ZFP91: variants seen among roughly 807,000 people sequenced by gnomAD.
ZFP91 encodes the protein ZFP91 zinc finger protein, atypical E3 ubiquitin ligase.
Under a neutral mutation model 63.5 loss-of-function variants are expected in ZFP91, and 7 were observed. The ratio of observed to expected loss-of-function variants is 0.11; its 90% CI spans 0.06 to 0.21. The LOEUF (loss-of-function observed/expected upper bound fraction) is 0.21. Ranked by LOEUF, ZFP91 falls within the 10% of genes least tolerant of loss-of-function variation. ZFP91 has a pLI of 1.00. For synonymous variants in ZFP91, 330 were observed against 272.1 expected (o/e 1.21, Z -2.10); for missense variants, 628 against 736.6 (o/e 0.85, Z 1.71).
At chr11:58,599,008 A>T (rs1416136997) in intron 2 of ZFP91, among the ~76,000 whole-genome samples, 1 of 152,078 alleles carries the variant, frequency 6.6e-6, no homozygotes, top group African/African-American at 2.4e-5. Flanking sequence ...CTTTGTCTCT[A>T]TGGATTTACC....
intron 2 of ZFP91, among the ~76,000 whole-genome samples, chr11:58,602,147 T>C (rs1373001950): frequency 6.6e-6 from 1 of 152,200 alleles, no homozygotes; most frequent in Non-Finnish European, 1.5e-5. Flanking sequence ...GATCTCAAAC[T>C]CCTGACCTCA....
rs750977711 is a variant in ZFP91, at chr11:58,611,639, T to C, written c.758T>C (p.Val253Ala). The C allele has an allele frequency of 1.9e-6, 3 of 1,611,252 alleles. No individual in the cohort carries two copies. Among genetic ancestry groups the C allele is most frequent in the African/African-American group, 1.3e-5 (1 of 74,612 alleles). The change falls in exon 6 of 11, where the codon GTA becomes GCA. Residue 253 changes from valine to alanine, a missense_variant. This residue lies in a region of ZFP91 where 437 missense variants were observed against 380.3 expected (regional missense o/e 1.15). Transcript: ENST00000316059. ...AAGCCACGGAGAAAATCAGGGAAGG[T>C]AAAAGAAGAGAAGGAGAAGAAGGAA... The part of the protein sequence containing the change: ...TPKPRRKSGK[V>A]KEEKEKKEIK...
At position 58,619,197 on chromosome 11, in the gene ZFP91, TATA is replaced by T. The variant is rs1356831440; in HGVS notation, c.*1497_*1499del. 1 of 152,706 alleles carries T rather than the reference TATA, an allele frequency of 6.5e-6. No homozygotes were observed. The highest frequency in any genetic ancestry group is 2.4e-5 in the African/African-American group (1 of 41,458). 9.5% of individuals were successfully genotyped at this position (152,706 alleles called of 1,614,324 possible). A position where few individuals can be genotyped will look rare whatever the true frequency, so the allele number is the denominator to read the frequency against. ...TCAATAGCCAAAGTTAATAATCCTA[TATA>T]ATAATTGCTTTGGCTTTCACCTAAA... On this transcript the variant is annotated 3_prime_UTR_variant, in exon 11 of 11. Transcript: ENST00000316059.
intron 2 of ZFP91, among the ~76,000 whole-genome samples, chr11:58,607,870 C>G (rs1200535389): frequency 1.3e-5 from 2 of 151,950 alleles, no homozygotes. Context: ...AGCACTTTAT[C>G]TTTGACAGAG....
At chr11:58,590,609 C>G (rs895065977) in intron 2 of ZFP91, among the ~76,000 whole-genome samples, 1 of 152,142 alleles carries the variant, frequency 6.6e-6, no homozygotes. Flanking sequence ...GTATTTACAA[C>G]CCTATAAGCA....
chr11:58,586,101 G>A (rs962068859), intron 2 of ZFP91, among the ~76,000 whole-genome samples: 21 of 152,164 alleles, frequency 1.4e-4, no homozygotes, highest in African/African-American at 4.8e-4. Flanking sequence ...AAAATGGAAG[G>A]TCTCACATTT....
chr11:58,590,613 A>G (rs1855287929), intron 2 of ZFP91, among the ~76,000 whole-genome samples: 2 of 152,230 alleles, frequency 1.3e-5, no homozygotes, highest in African/African-American at 2.4e-5. Context: ...TTACAACCCT[A>G]TAAGCAAGAT....
chr11:58,606,470 C>T (rs1855571867), intron 2 of ZFP91, among the ~76,000 whole-genome samples: 1 of 152,088 alleles, frequency 6.6e-6, no homozygotes, highest in Non-Finnish European at 1.5e-5. Context: ...TTTTCTTTAG[C>T]TCTGATTGTC....
chr11:58,584,728 A>C (rs1855175313), intron 1 of ZFP91, 128 bp from the exon 2 acceptor site: 1 of 822,650 alleles, frequency 1.2e-6, no homozygotes, highest in Non-Finnish European at 1.8e-6. Context: ...TCACTGCTGA[A>C]AATTCTGTAG....
At chr11:58,613,237 A>T (rs1590629635) in intron 8 of ZFP91, among the ~76,000 whole-genome samples, 1 of 152,190 alleles carries the variant, frequency 6.6e-6, no homozygotes, top group Admixed American at 6.5e-5. Context: ...GTCCAAAAGC[A>T]TGGTGCCCAC....
rs975960143 is a variant in ZFP91, at chr11:58,620,007, G to A, written c.*2301G>A. On this transcript the variant is annotated 3_prime_UTR_variant, in exon 11 of 11. Transcript: ENST00000316059. ...TTAGCCACCTACACAAAAGCAAACT[G>A]CATTTTTAAAAATCTTTCTGAGATG... is the stretch of plus-strand genomic sequence containing the variant. The A allele has an allele frequency of 6.6e-6, 1 of 152,112 alleles. No individual in the cohort carries two copies. The highest frequency in any genetic ancestry group is 1.5e-5 in the Non-Finnish European group (1 of 68,020). 9.4% of individuals were successfully genotyped at this position (152,112 alleles called of 1,614,324 possible). A position where few individuals can be genotyped will look rare whatever the true frequency, so the allele number is the denominator to read the frequency against.
At chr11:58,608,151 A>G (rs1343005705) in intron 2 of ZFP91, among the ~76,000 whole-genome samples, 1 of 151,822 alleles carries the variant, frequency 6.6e-6, no homozygotes, top group African/African-American at 2.4e-5. Flanking sequence ...AGACAACTAA[A>G]CATTCAAAGG....
At chr11:58,586,268 G>A (rs1246321682) in intron 2 of ZFP91, among the ~76,000 whole-genome samples, 1 of 152,184 alleles carries the variant, frequency 6.6e-6, no homozygotes, top group East Asian at 1.9e-4. Context: ...GTTGCCTTGA[G>A]GCGAACTTGA....
intron 2 of ZFP91, among the ~76,000 whole-genome samples, chr11:58,603,327 T>G (rs1170603847): frequency 6.6e-6 from 1 of 152,148 alleles, no homozygotes; most frequent in Admixed American, 6.5e-5. Flanking sequence ...AATTTGAAAA[T>G]TTTTTAGTCT....
chr11:58,592,707 A>G (rs1167536263), intron 2 of ZFP91, among the ~76,000 whole-genome samples: 1 of 152,226 alleles, frequency 6.6e-6, no homozygotes, highest in East Asian at 1.9e-4. Context: ...AAAGGTACAT[A>G]CAGACTTTCA....
At chr11:58,602,491 A>T (rs1370814142) in intron 2 of ZFP91, among the ~76,000 whole-genome samples, 2 of 152,058 alleles carry the variant, frequency 1.3e-5, no homozygotes, top group African/African-American at 2.4e-5. Context: ...AGCTATGTAT[A>T]GGTTTATATT....
intron 2 of ZFP91, among the ~76,000 whole-genome samples, chr11:58,590,304 G>A (rs895030876): frequency 1.3e-5 from 2 of 152,180 alleles, no homozygotes; most frequent in Non-Finnish European, 2.9e-5. Flanking sequence ...ATAATCTAAT[G>A]CTATCCGGGC....
chr11:58,603,195 T>C (rs1855518942), intron 2 of ZFP91, among the ~76,000 whole-genome samples: 1 of 152,196 alleles, frequency 6.6e-6, no homozygotes, highest in African/African-American at 2.4e-5. Flanking sequence ...TTTATCTGAG[T>C]AGATTTACAA....
At chr11:58,579,704 A>G in intron 1 of ZFP91, 82 bp downstream of exon 1, 1 of 1,298,808 alleles carries the variant, frequency 7.7e-7, no homozygotes, top group African/African-American at 1.5e-5. Context: ...CGCCTACTCC[A>G]CGTGACATCC....
Sources: allele counts gnomAD v4.1 joint callset (sites outside exome capture counted in the v4.1 genomes callset), GRCh38; gene constraint gnomAD v4.1.1; regional missense constraint gnomAD v4.1.1; transcripts MANE v1.5; gene names NCBI Gene and HGNC (gene_info 2026-07-23, HGNC 2026-07-21).